The following CTNNA3 variants were observed in gnomAD, a reference collection of about 807,000 sequenced individuals.
The protein encoded by CTNNA3 is catenin alpha 3.
In CTNNA3, 76 loss-of-function variants were observed where a neutral mutation model predicts 95.7. The ratio of observed to expected loss-of-function variants is 0.79; its 90% CI spans 0.66 to 0.96. The LOEUF (loss-of-function observed/expected upper bound fraction) is 0.96, where lower values mean the gene tolerates loss of function less well. Among genes scored for constraint, CTNNA3 ranks in the 40% least tolerant of loss-of-function variants. The pLI is 0.00. For missense variants in CTNNA3, 1,191 were observed against 1,089.8 expected, an observed-to-expected ratio of 1.09 and a Z score of -1.31; for synonymous variants, 431 against 374.4, an observed-to-expected ratio of 1.15 and a Z score of -1.74.
intron 17 of CTNNA3, among the ~76,000 whole-genome samples, chr10:65,961,321 A>G (rs981416659): frequency 1.3e-5 from 2 of 152,068 alleles, no homozygotes; most frequent in Non-Finnish European, 2.9e-5. Flanking sequence ...ATCATGATAC[A>G]ATTTTTGCCT....
intron 13 of CTNNA3, among the ~76,000 whole-genome samples, chr10:66,121,678 C>T (rs761294526): frequency 6.6e-6 from 1 of 151,980 alleles, no homozygotes; most frequent in Non-Finnish European, 1.5e-5. Flanking sequence ...GGTGAAACCC[C>T]TCTCTACAAA....
intron 13 of CTNNA3, among the ~76,000 whole-genome samples, chr10:66,127,143 G>C (rs1283053325): frequency 1.3e-5 from 2 of 151,886 alleles, no homozygotes; most frequent in Non-Finnish European, 2.9e-5. Flanking sequence ...TTGGTGGCGG[G>C]CGCCTGTAGT....
chr10:67,049,083 T>G (rs1854932129), intron 7 of CTNNA3, among the ~76,000 whole-genome samples: 1 of 151,200 alleles, frequency 6.6e-6, no homozygotes. Flanking sequence ...TAGAAAAAAA[T>G]GACATTTATA....
intron 11 of CTNNA3, among the ~76,000 whole-genome samples, chr10:66,475,797 C>T (rs1839304198): frequency 6.6e-6 from 1 of 152,052 alleles, no homozygotes; most frequent in African/African-American, 2.4e-5. Context: ...TTGTGGAAGA[C>T]ATTGTGACGA....
At chr10:67,513,964 G>C (rs1198930508) in intron 5 of CTNNA3, among the ~76,000 whole-genome samples, 2 of 152,096 alleles carry the variant, frequency 1.3e-5, no homozygotes, top group African/African-American at 4.8e-5. Context: ...AAAGTATGTG[G>C]CCTTGTACAA....
intron 7 of CTNNA3, among the ~76,000 whole-genome samples, chr10:67,069,301 C>A (rs1175266964): frequency 6.6e-6 from 1 of 151,988 alleles, no homozygotes; most frequent in Non-Finnish European, 1.5e-5. Flanking sequence ...TAGTGCATTT[C>A]TTTTACCCCA....
intron 5 of CTNNA3, among the ~76,000 whole-genome samples, chr10:67,307,252 C>T (rs556157333): frequency 2.0e-5 from 3 of 152,270 alleles, no homozygotes; most frequent in South Asian, 2.1e-4. Flanking sequence ...GCTACATTTT[C>T]GGTTCTCTCT....
chr10:66,606,178 G>A (rs1267983411), intron 10 of CTNNA3, among the ~76,000 whole-genome samples: 1 of 152,030 alleles, frequency 6.6e-6, no homozygotes, highest in Non-Finnish European at 1.5e-5. Context: ...GACAAAGAAG[G>A]ACATTATATA....
At chr10:66,721,799 T>C (rs10997360) in intron 9 of CTNNA3, among the ~76,000 whole-genome samples, 3,639 of 152,246 alleles carry the variant, frequency 0.024, 177 homozygotes, top group East Asian at 0.22. Flanking sequence ...CTTACTGAAT[T>C]CCCAGTAAGG....
At chr10:67,259,621 G>T (rs193290154) in intron 5 of CTNNA3, among the ~76,000 whole-genome samples, 48 of 152,200 alleles carry the variant, frequency 3.2e-4, no homozygotes, top group Middle Eastern at 3.4e-3. Flanking sequence ...TAAAATATAC[G>T]TCCCTGAGGT....
intron 1 of CTNNA3, among the ~76,000 whole-genome samples, chr10:67,743,929 G>A (rs1382472584): frequency 6.6e-6 from 1 of 150,972 alleles, no homozygotes; most frequent in Non-Finnish European, 1.5e-5. Flanking sequence ...AAAATACCTA[G>A]GAATCCAACT....
intron 11 of CTNNA3, among the ~76,000 whole-genome samples, chr10:66,446,624 A>T (rs979188827): frequency 1.3e-5 from 2 of 151,946 alleles, no homozygotes; most frequent in Admixed American, 6.6e-5. Flanking sequence ...AAATCCAAAA[A>T]CCCTTCATGC....
chr10:67,304,494 ATAT>A (rs1195061869), intron 5 of CTNNA3, among the ~76,000 whole-genome samples: 1 of 152,204 alleles, frequency 6.6e-6, no homozygotes, highest in Non-Finnish European at 1.5e-5. Context: ...ACTGAAATAA[ATAT>A]TATCTGATTA....
intron 9 of CTNNA3, among the ~76,000 whole-genome samples, chr10:66,655,120 T>A (rs2394269): frequency 6.6e-6 from 1 of 151,588 alleles, no homozygotes; most frequent in Admixed American, 6.6e-5. Flanking sequence ...CTATGTGAAG[T>A]AATGCATGTT....
At chr10:66,789,138 C>G (rs1005198275) in intron 7 of CTNNA3, among the ~76,000 whole-genome samples, 6 of 151,448 alleles carry the variant, frequency 4.0e-5, no homozygotes, top group Admixed American at 3.9e-4. Flanking sequence ...CATATTTTTG[C>G]TCTATTTATC....
intron 2 of CTNNA3, among the ~76,000 whole-genome samples, chr10:67,623,882 T>C (rs1447177579): frequency 6.6e-6 from 1 of 152,116 alleles, no homozygotes; most frequent in Non-Finnish European, 1.5e-5. Flanking sequence ...AATGGTGCGA[T>C]CTCGGCTCAC....
At chr10:66,047,310 C>A (rs1001642684) in intron 15 of CTNNA3, among the ~76,000 whole-genome samples, 1 of 152,114 alleles carries the variant, frequency 6.6e-6, no homozygotes, top group Non-Finnish European at 1.5e-5. Context: ...CCCTGGGATG[C>A]AAGGTTGGTT....
intron 12 of CTNNA3, among the ~76,000 whole-genome samples, chr10:66,322,124 T>C (rs1340655538): frequency 6.6e-6 from 1 of 152,158 alleles, no homozygotes; most frequent in Non-Finnish European, 1.5e-5. Context: ...TTCTAAGTTC[T>C]GTGGAAAACC....
chr10:67,158,299 C>G (rs554892473), intron 7 of CTNNA3, among the ~76,000 whole-genome samples: 1 of 152,116 alleles, frequency 6.6e-6, no homozygotes, highest in Non-Finnish European at 1.5e-5. Flanking sequence ...ATAGGCCTGG[C>G]ACTTAGACAC....
Sources: gnomAD v4.1 joint callset for allele counts (sites outside exome capture counted in the v4.1 genomes callset) on GRCh38, gnomAD v4.1.1 for gene constraint, MANE v1.5 for transcripts, NCBI Gene and HGNC (gene_info 2026-07-23, HGNC 2026-07-21) for gene names.